Variants in MYT1L observed in about 807,000 individuals in gnomAD.
MYT1L encodes the protein myelin transcription factor 1-like protein.
MYT1L carries 12 observed loss-of-function variants against 126.7 expected under a neutral mutation model. The ratio of observed to expected loss-of-function variants is 0.09; its 90% CI spans 0.06 to 0.15. The LOEUF (loss-of-function observed/expected upper bound fraction) is 0.15. MYT1L is among the 10% of genes least tolerant of loss of function. MYT1L has a pLI of 1.00. For missense variants in MYT1L, 979 were observed against 1,585.2 expected (o/e 0.62, Z 6.49); for synonymous variants, 541 against 604.2 (o/e 0.90, Z 1.53).
rs1354573387 is a variant in MYT1L, at chr2:1,852,017, C to T, written c.2712-314G>A. Among the ~76,000 whole-genome samples, 4 of 152,182 alleles carry T rather than the reference C, an allele frequency of 2.6e-5. No homozygotes were observed. The highest frequency in any genetic ancestry group is 1.3e-4 in the Admixed American group (2 of 15,284). ...ACAGCCCGCCTTTCCTCCCCTCATT[C>T]TTAAAGCTCAGCAGAGCCAGCAACC... On this transcript the variant is annotated intron_variant, in intron 18 of 24. Coordinates refer to ENST00000647738, the MANE Select transcript of MYT1L (RefSeq NM_001303052.2). This position sits in a 1 kb window ranked among gnomAD's most constrained non-coding sequence, Gnocchi z 4.0.
chr2:2,031,259 A>C (rs2066208394), intron 4 of MYT1L, among the ~76,000 whole-genome samples: 1 of 152,244 alleles, frequency 6.6e-6, no homozygotes, highest in Non-Finnish European at 1.5e-5. Context: ...CTTGCATGAA[A>C]GAGGGCTGGG....
chr2:2,068,686 A>G (rs777823096), intron 3 of MYT1L, among the ~76,000 whole-genome samples: 8 of 151,456 alleles, frequency 5.3e-5, no homozygotes, highest in Non-Finnish European at 1.0e-4. Context: ...ATCTGAAGAT[A>G]AAAATTATGA....
chr2:1,880,904 A>T (rs139406711), intron 18 of MYT1L, among the ~76,000 whole-genome samples: 58 of 152,376 alleles, frequency 3.8e-4, no homozygotes, highest in African/African-American at 1.2e-3. Flanking sequence ...ATCAAAACCA[A>T]GACAATGGCG....
At chr2:2,110,967 C>T (rs1401780466) in intron 3 of MYT1L, among the ~76,000 whole-genome samples, 1 of 152,156 alleles carries the variant, frequency 6.6e-6, no homozygotes, top group Non-Finnish European at 1.5e-5. Flanking sequence ...CGCAGGGTGG[C>T]CCTTCCACCC....
intron 3 of MYT1L, among the ~76,000 whole-genome samples, chr2:2,073,672 G>A (rs141007994): frequency 2.6e-5 from 4 of 152,302 alleles, no homozygotes; most frequent in East Asian, 3.9e-4. Context: ...TATCTTGGAC[G>A]TTGTATGTCG....
chr2:1,974,846 T>C (rs2060049369), intron 8 of MYT1L: 1 of 152,216 alleles, frequency 6.6e-6, no homozygotes, highest in African/African-American at 2.4e-5. Context: ...TCATTTTCCT[T>C]ATGTTGTTCC....
rs73176020 is a variant in MYT1L at position 2,172,132 on chromosome 2, T to C, written c.-304+740A>G. 8.0e-3 allele frequency among the ~76,000 whole-genome samples: 1,217 copies of C among 152,254 alleles called. 17 individuals carry two copies. Among genetic ancestry groups the C allele is most frequent in the African/African-American group, 0.027 (1,114 of 41,546 alleles). ...TTTACAGGATCTGAGATTTGGGCCA[T>C]ATTTCAGTCTTGTCGACCTCCAGCC... On this transcript the variant is annotated intron_variant, in intron 3 of 24. Transcript: ENST00000647738.
chr2:1,891,106 A>C (rs2048817844), intron 15 of MYT1L, among the ~76,000 whole-genome samples: 1 of 151,524 alleles, frequency 6.6e-6, no homozygotes, highest in Non-Finnish European at 1.5e-5. Flanking sequence ...ACTCTTCTCC[A>C]ATATCTAGGA....
chr2:2,208,686 A>G (rs190753932), intron 2 of MYT1L, among the ~76,000 whole-genome samples: 1 of 152,364 alleles, frequency 6.6e-6, no homozygotes, highest in East Asian at 1.9e-4. Flanking sequence ...ATATATCTTT[A>G]AATATGACAT....
At chr2:2,015,985 A>G (rs111405170) in intron 4 of MYT1L, among the ~76,000 whole-genome samples, 6 of 152,148 alleles carry the variant, frequency 3.9e-5, no homozygotes, top group African/African-American at 1.2e-4. Context: ...ACAAAAAGTT[A>G]ATGAGGGAGG....
At chr2:1,816,975 C>A (rs144712115) in intron 21 of MYT1L, 2 of 152,370 alleles carry the variant, frequency 1.3e-5, no homozygotes, top group African/African-American at 4.8e-5. Flanking sequence ...AGGGGCTGCA[C>A]ACGGCCACCT....
At chr2:2,044,360 T>C (rs565748954) in intron 4 of MYT1L, among the ~76,000 whole-genome samples, 9 of 152,370 alleles carry the variant, frequency 5.9e-5, no homozygotes, top group Non-Finnish European at 1.2e-4. Context: ...TATCAGCAGT[T>C]ACATAAGCGT....
At chr2:2,253,414 T>C (rs2094711520) in intron 2 of MYT1L, among the ~76,000 whole-genome samples, 1 of 152,208 alleles carries the variant, frequency 6.6e-6, no homozygotes, top group South Asian at 2.1e-4. Flanking sequence ...ACACAGAGCA[T>C]TGCTCAGCGG....
chr2:2,262,932 A>ATATATATATATATATATATATAT lies in MYT1L; in HGVS notation c.-421+21471_-421+21472insATATATATATATATATATATATA, dbSNP rs1553610292. Among the ~76,000 whole-genome samples, 10 of 41,216 alleles carry ATATATATATATATATATATATAT rather than the reference A, an allele frequency of 2.4e-4. 1 individual carries two copies. The highest frequency in any genetic ancestry group is 2.0e-3 in the East Asian group (1 of 490). 27.0% of individuals were successfully genotyped at this position (41,216 alleles called of 152,430 possible). ...GAGGCACAAATATATATATATATAT[A>ATATATATATATATATATATATAT]ACCTGTGATATATATATATATATCA... is the stretch of plus-strand genomic sequence containing the variant. On this transcript the variant is annotated intron_variant, in intron 2 of 24. Coordinates refer to ENST00000647738, the MANE Select transcript of MYT1L (RefSeq NM_001303052.2).
At chr2:2,305,212 C>T (rs73179800) in intron 1 of MYT1L, among the ~76,000 whole-genome samples, 4,167 of 152,102 alleles carry the variant, frequency 0.027, 203 homozygotes, top group African/African-American at 0.095. Flanking sequence ...TGAAGAAAAG[C>T]CCAGGCATTT....
At chr2:2,048,901 T>G (rs1275257329) in intron 4 of MYT1L, among the ~76,000 whole-genome samples, 1 of 152,242 alleles carries the variant, frequency 6.6e-6, no homozygotes, top group Non-Finnish European at 1.5e-5. Context: ...GGTGGTGGCC[T>G]GTGACTTTGA....
chr2:1,830,278 C>T (rs1189306599), intron 21 of MYT1L, among the ~76,000 whole-genome samples: 1 of 152,182 alleles, frequency 6.6e-6, no homozygotes, highest in Non-Finnish European at 1.5e-5. Context: ...AGGAAGTTCT[C>T]TTCTCTTTGC....
At position 2,158,648 on chromosome 2, in the gene MYT1L, C is replaced by CGT. The variant is rs1553518952; in HGVS notation, c.-304+14223_-304+14224insAC. 1.2e-3 allele frequency among the ~76,000 whole-genome samples: 179 copies of CGT among 149,574 alleles called. 1 individual carries two copies. The highest frequency in any genetic ancestry group is 2.2e-3 in the East Asian group (11 of 5,104). Reference sequence around the variant, plus strand: ...ACACACACACACACACACACACACACGCGTAGGTGGACACGGGTGCACACA... The same window carrying CGT: ...ACACACACACACACACACACACACACGTGCGTAGGTGGACACGGGTGCACACA... On this transcript the variant is annotated intron_variant, in intron 3 of 24. Transcript: ENST00000647738.
At chr2:2,114,350 C>T (rs556601291) in intron 3 of MYT1L, among the ~76,000 whole-genome samples, 35 of 152,262 alleles carry the variant, frequency 2.3e-4, no homozygotes, top group African/African-American at 8.2e-4. Context: ...TCTTTCTGTT[C>T]GTTTGTTCTG....
Sources: gnomAD v4.1 joint callset for allele counts (sites outside exome capture counted in the v4.1 genomes callset) on GRCh38, gnomAD v4.1.1 for gene constraint, Gnocchi (gnomAD v3.1) non-coding constraint, MANE v1.5 for transcripts, NCBI Gene and HGNC (gene_info 2026-07-23, HGNC 2026-07-21) for gene names.